The following CSGALNACT1 variants were observed in gnomAD, a reference collection of about 807,000 sequenced individuals.
CSGALNACT1 encodes chondroitin sulfate N-acetylgalactosaminyltransferase 1.
CSGALNACT1 carries 52 observed loss-of-function variants against 51.0 expected under a neutral mutation model. That is an observed-to-expected ratio of 1.02 (90% CI 0.82 to 1.29). The LOEUF (loss-of-function observed/expected upper bound fraction) is 1.29, where lower values mean the gene tolerates loss of function less well. Among genes scored for constraint, CSGALNACT1 ranks in the 50% most tolerant of loss-of-function variants. CSGALNACT1 has a pLI of 0.00. For missense variants in CSGALNACT1, 935 were observed against 679.2 expected, an observed-to-expected ratio of 1.38 and a Z score of -4.19; for synonymous variants, 341 against 254.4, an observed-to-expected ratio of 1.34 and a Z score of -3.24.
At chr8:19,644,815 A>G (rs1049316338) in intron 1 of CSGALNACT1, among the ~76,000 whole-genome samples, 3 of 151,834 alleles carry the variant, frequency 2.0e-5, no homozygotes, top group Non-Finnish European at 4.4e-5. Flanking sequence ...GACCTCAGGT[A>G]CCTAACCTAA....
At chr8:19,447,173 A>G (rs1349174445) in intron 5 of CSGALNACT1, among the ~76,000 whole-genome samples, 2 of 152,196 alleles carry the variant, frequency 1.3e-5, no homozygotes, top group African/African-American at 2.4e-5. Context: ...AGCAAGGCAC[A>G]AAAGCCAGGT....
At chr8:19,585,930 G>C (rs1167339653) in intron 3 of CSGALNACT1, among the ~76,000 whole-genome samples, 1 of 152,196 alleles carries the variant, frequency 6.6e-6, no homozygotes, top group African/African-American at 2.4e-5. Flanking sequence ...GATTTGCAAT[G>C]GAACTGTGCC....
At chr8:19,584,484 A>C (rs1209483887) in intron 3 of CSGALNACT1, among the ~76,000 whole-genome samples, 1 of 152,212 alleles carries the variant, frequency 6.6e-6, no homozygotes, top group Non-Finnish European at 1.5e-5. Flanking sequence ...TATTTATTTT[A>C]CTAATGTTAG....
intron 5 of CSGALNACT1, among the ~76,000 whole-genome samples, chr8:19,458,096 G>A (rs2064513177): frequency 1.3e-5 from 2 of 152,138 alleles, no homozygotes. Context: ...TCACTTGCCT[G>A]GGAGTCTTGG....
intron 6 of CSGALNACT1, among the ~76,000 whole-genome samples, chr8:19,427,288 T>G (rs77080722): frequency 0.015 from 2,317 of 152,352 alleles, 53 homozygotes; most frequent in African/African-American, 0.053. Flanking sequence ...CATCAGCTGA[T>G]TAGAATTCAC....
intron 1 of CSGALNACT1, among the ~76,000 whole-genome samples, chr8:19,741,089 G>C (rs1563193339): frequency 6.6e-6 from 1 of 152,216 alleles, no homozygotes; most frequent in African/African-American, 2.4e-5. Flanking sequence ...TTTCCTCCAA[G>C]ACTGGGGTGT....
chr8:19,564,238 T>C (rs1311214529), intron 3 of CSGALNACT1, among the ~76,000 whole-genome samples: 6 of 152,010 alleles, frequency 3.9e-5, no homozygotes, highest in Non-Finnish European at 7.4e-5. Flanking sequence ...AAAATCTACG[T>C]TTTCTACTTT....
At chr8:19,540,525 T>A (rs1359476985) in intron 3 of CSGALNACT1, among the ~76,000 whole-genome samples, 2 of 152,192 alleles carry the variant, frequency 1.3e-5, no homozygotes, top group African/African-American at 4.8e-5. Context: ...GGATTATAAC[T>A]TAGCAGAGAC....
chr8:19,580,671 T>C (rs1310477194), intron 3 of CSGALNACT1, among the ~76,000 whole-genome samples: 2 of 152,028 alleles, frequency 1.3e-5, no homozygotes, highest in Admixed American at 1.3e-4. Flanking sequence ...GAAAACAAGA[T>C]CAAATGACCA....
chr8:19,715,761 A>G (rs1322766298), intron 1 of CSGALNACT1, among the ~76,000 whole-genome samples: 2 of 152,014 alleles, frequency 1.3e-5, no homozygotes, highest in African/African-American at 4.8e-5. Flanking sequence ...TGTCTAGTGT[A>G]AGGGTTTGAG....
At chr8:19,516,157 G>C (rs1002279322) in intron 3 of CSGALNACT1, among the ~76,000 whole-genome samples, 2 of 152,084 alleles carry the variant, frequency 1.3e-5, no homozygotes, top group Non-Finnish European at 2.9e-5. Flanking sequence ...ATTTACGTTG[G>C]GGCCAGACAT....
chr8:19,531,728 T>G (rs2082802031), intron 3 of CSGALNACT1: 1 of 152,250 alleles, frequency 6.6e-6, no homozygotes, highest in Non-Finnish European at 1.5e-5. Flanking sequence ...ACAAAAGAAC[T>G]TTGTTGTTTG....
chr8:19,458,329 G>T, intron 5 of CSGALNACT1, 97 bp downstream of exon 4: 1 of 1,019,562 alleles, frequency 9.8e-7, no homozygotes, highest in Non-Finnish European at 1.6e-6. Context: ...AGGAGGCTTT[G>T]TACTCGGCAG....
intron 1 of CSGALNACT1, among the ~76,000 whole-genome samples, chr8:19,728,211 G>T (rs1361086939): frequency 6.6e-6 from 1 of 152,070 alleles, no homozygotes; most frequent in African/African-American, 2.4e-5. Context: ...ATTCTTCTAT[G>T]TAAAATCTAA....
chr8:19,446,108 G>C (rs1415963895), intron 5 of CSGALNACT1, among the ~76,000 whole-genome samples: 1 of 152,200 alleles, frequency 6.6e-6, no homozygotes, highest in Non-Finnish European at 1.5e-5. Flanking sequence ...CTGGGAGCTA[G>C]AGGTTACAGT....
chr8:19,551,239 T>C (rs1373099610), intron 3 of CSGALNACT1, among the ~76,000 whole-genome samples: 1 of 152,228 alleles, frequency 6.6e-6, no homozygotes, highest in Admixed American at 6.5e-5. Flanking sequence ...GACAGCAGTC[T>C]GAGTAGGAAA....
intron 3 of CSGALNACT1, among the ~76,000 whole-genome samples, chr8:19,511,240 G>C (rs544818228): frequency 8.4e-4 from 128 of 152,224 alleles, no homozygotes; most frequent in Non-Finnish European, 1.5e-3. Flanking sequence ...CCCGTGTGCA[G>C]ACACAGCCAA....
chr8:19,690,727 C>T (rs191457548), intron 1 of CSGALNACT1, among the ~76,000 whole-genome samples: 4 of 152,086 alleles, frequency 2.6e-5, no homozygotes, highest in Admixed American at 6.5e-5. Flanking sequence ...ATTGAAACTC[C>T]GCATGGAAGG....
At chr8:19,739,060 G>T (rs1318410748) in intron 1 of CSGALNACT1, among the ~76,000 whole-genome samples, 1 of 151,888 alleles carries the variant, frequency 6.6e-6, no homozygotes, top group East Asian at 1.9e-4. Flanking sequence ...TTTAAAGAAT[G>T]ATAATTTTTA....
Sources: gnomAD v4.1 joint callset for allele counts (sites outside exome capture counted in the v4.1 genomes callset) on GRCh38, gnomAD v4.1.1 for gene constraint, MANE v1.5 for transcripts, NCBI Gene and HGNC (gene_info 2026-07-23, HGNC 2026-07-21) for gene names.